SCGB2B2: variants seen among roughly 807,000 people sequenced by gnomAD.
SCGB2B2 encodes the protein secretoglobin family 2B member 2, also known as secretoglobin-like protein.
Under a neutral mutation model 7.6 loss-of-function variants are expected in SCGB2B2, and 11 were observed. That is an observed-to-expected ratio of 1.45 (90% CI 0.91 to 2.40). The LOEUF (loss-of-function observed/expected upper bound fraction) is 2.40. Among genes scored for constraint, SCGB2B2 ranks in the 30% most tolerant of loss-of-function variants. The pLI is 0.00. For missense variants in SCGB2B2, 104 were observed against 115.4 expected (o/e 0.90, Z 0.45); for synonymous variants, 50 against 48.6 (o/e 1.03, Z -0.12).
chr19:34,630,935 T>C (rs1427233612), intron 1 of SCGB2B2, among the ~76,000 whole-genome samples: 1 of 151,634 alleles, frequency 6.6e-6, no homozygotes, highest in African/African-American at 2.4e-5. Flanking sequence ...TATGCAGCCA[T>C]AAAAAATGAT....
chr19:34,656,895 A>G (rs1260828226), intron 1 of SCGB2B2, among the ~76,000 whole-genome samples: 1 of 151,204 alleles, frequency 6.6e-6, no homozygotes, highest in Non-Finnish European at 1.5e-5. Flanking sequence ...TTCAGATACT[A>G]AACAAAAATG....
intron 1 of SCGB2B2, among the ~76,000 whole-genome samples, chr19:34,667,229 G>A (rs1312211449): frequency 6.6e-6 from 1 of 152,042 alleles, no homozygotes; most frequent in Admixed American, 6.5e-5. Context: ...AGGGCGCTGG[G>A]TCTCCGCCCT....
chr19:34,640,292 A>C (rs1433623360), intron 1 of SCGB2B2: 1 of 151,668 alleles, frequency 6.6e-6, no homozygotes, highest in Non-Finnish European at 1.5e-5. Context: ...TTTTTTTTAA[A>C]TAGAGACAGG....
chr19:34,641,049 G>A (rs923046548), intron 1 of SCGB2B2, among the ~76,000 whole-genome samples: 5 of 148,174 alleles, frequency 3.4e-5, no homozygotes, highest in Admixed American at 6.7e-5. Context: ...TATTCGGGGT[G>A]TGATGGTGAA....
intron 1 of SCGB2B2, among the ~76,000 whole-genome samples, chr19:34,612,846 G>C (rs1260008960): frequency 1.3e-5 from 2 of 152,036 alleles, no homozygotes; most frequent in East Asian, 3.8e-4. Flanking sequence ...CCAGTGTTGG[G>C]TGCATATGTA....
chr19:34,594,744 G>C lies in SCGB2B2; in HGVS notation c.-181C>G. The stretch of plus-strand genomic sequence containing the variant: ...GGTCTGCAGAGAGACCCTCGGCCCT[G>C]GGCCATGCTGTTGGGGTGGCAGCGT... On this transcript the variant is annotated 5_prime_UTR_variant, in exon 2 of 4. Transcript: ENST00000601241. The C allele has an allele frequency of 1.6e-6, 1 of 644,374 alleles. No homozygotes were observed. Among genetic ancestry groups the C allele is most frequent in the East Asian group, 2.8e-5 (1 of 36,110 alleles). 39.9% of individuals were successfully genotyped at this position (644,374 alleles called of 1,614,324 possible).
rs561981420 is a variant in SCGB2B2, at chr19:34,613,155, G to A, written c.-2031-16561C>T. Among the ~76,000 whole-genome samples the A allele has an allele frequency of 1.1e-4, 16 of 151,810 alleles. No individual in the cohort carries two copies. In the South Asian group the frequency reaches 3.3e-3, roughly 32 times the overall value. On this transcript the variant is annotated intron_variant, in intron 1 of 3. Coordinates refer to ENST00000601241, the MANE Select transcript of SCGB2B2 (RefSeq NM_001025591.4). The stretch of plus-strand genomic sequence containing the variant: ...ACTTTGTTGCCCAGGGTGGAGTGCA[G>A]CGGTGCATTCTTGGCTCACTGCAAC...
chr19:34,649,644 T>A (rs2067112234), intron 1 of SCGB2B2, among the ~76,000 whole-genome samples: 1 of 151,970 alleles, frequency 6.6e-6, no homozygotes, highest in East Asian at 1.9e-4. Context: ...AGGTCAGGAG[T>A]TCGAGACCAG....
intron 1 of SCGB2B2, among the ~76,000 whole-genome samples, chr19:34,668,761 C>G (rs553651313): frequency 4.3e-4 from 65 of 152,290 alleles, no homozygotes; most frequent in African/African-American, 1.5e-3. Context: ...ACCTTTGTGT[C>G]CACACTCTGT....
intron 1 of SCGB2B2, among the ~76,000 whole-genome samples, chr19:34,642,714 CAAAA>C (rs55922005): frequency 1.0e-4 from 4 of 39,880 alleles, no homozygotes; most frequent in Non-Finnish European, 1.3e-4. Context: ...GACTCCGTCT[CAAAA>C]AAAAAAAAAA....
intron 1 of SCGB2B2, among the ~76,000 whole-genome samples, chr19:34,673,483 G>T (rs2067850212): frequency 6.6e-6 from 1 of 152,192 alleles, no homozygotes; most frequent in African/African-American, 2.4e-5. Flanking sequence ...TGCAGTGAAA[G>T]ATGCAAGTTT....
At chr19:34,605,880 C>G (rs980425029) in intron 1 of SCGB2B2, among the ~76,000 whole-genome samples, 2 of 152,126 alleles carry the variant, frequency 1.3e-5, no homozygotes, top group African/African-American at 2.4e-5. Flanking sequence ...AGGCGTGAGC[C>G]ACTGCACCCG....
intron 1 of SCGB2B2, among the ~76,000 whole-genome samples, chr19:34,616,569 T>C (rs1417705685): frequency 7.1e-6 from 1 of 140,932 alleles, no homozygotes; most frequent in Admixed American, 7.2e-5. Context: ...GAGTTCATTG[T>C]AGATTCTGGA....
chr19:34,662,258 A>C (rs1366421029), intron 1 of SCGB2B2, among the ~76,000 whole-genome samples: 1 of 152,104 alleles, frequency 6.6e-6, no homozygotes, highest in Non-Finnish European at 1.5e-5. Context: ...AGATTACACA[A>C]CCCTGTCCTA....
intron 1 of SCGB2B2, among the ~76,000 whole-genome samples, chr19:34,625,212 T>TAG (rs1227785681): frequency 6.6e-6 from 1 of 152,174 alleles, no homozygotes; most frequent in Non-Finnish European, 1.5e-5. Context: ...AGACGGCTGA[T>TAG]TTCTGCATTT....
At chr19:34,669,713 T>TGACACACACACACACACACACACACACA (rs1330913256) in intron 1 of SCGB2B2, among the ~76,000 whole-genome samples, 1 of 10,248 alleles carries the variant, frequency 9.8e-5, no homozygotes, top group Non-Finnish European at 2.7e-4. Flanking sequence ...CTGCCCCCAC[T>TGACACACACACACACACACACACACACA]TACACACACA....
intron 2 of SCGB2B2, 30 bp from the exon 3 acceptor site, chr19:34,594,389 AGAG>A (rs747038325): frequency 1.0e-5 from 16 of 1,606,454 alleles, no homozygotes; most frequent in African/African-American, 4.2e-5. Flanking sequence ...ATAAGAAAAC[AGAG>A]GAGGTCAGAA....
At chr19:34,667,783 C>T (rs540119542) in intron 1 of SCGB2B2, among the ~76,000 whole-genome samples, 52 of 151,996 alleles carry the variant, frequency 3.4e-4, no homozygotes, top group African/African-American at 1.2e-3. Flanking sequence ...TGGGGGGAGC[C>T]CACCCTGACA....
chr19:34,641,530 T>C (rs2066840787), intron 1 of SCGB2B2, among the ~76,000 whole-genome samples: 1 of 152,226 alleles, frequency 6.6e-6, no homozygotes, highest in Non-Finnish European at 1.5e-5. Flanking sequence ...TCTTGAGTCC[T>C]CGTGGAGCTG....
Sources: gnomAD v4.1 joint callset for allele counts (sites outside exome capture counted in the v4.1 genomes callset) on GRCh38, gnomAD v4.1.1 for gene constraint, MANE v1.5 for transcripts, NCBI Gene and HGNC (gene_info 2026-07-23, HGNC 2026-07-21) for gene names.